Variants in MYH3 observed in about 807,000 individuals in gnomAD.
MYH3 encodes the protein myosin heavy chain 3.
A neutral mutation model predicts 238.0 loss-of-function variants in MYH3; 130 were observed. The ratio of observed to expected loss-of-function variants is 0.55; its 90% CI spans 0.47 to 0.63. The LOEUF (loss-of-function observed/expected upper bound fraction) is 0.63. Ranked by LOEUF, MYH3 falls within the 30% of genes least tolerant of loss-of-function variation. The pLI is 0.00. For synonymous variants in MYH3, 880 were observed against 924.1 expected (o/e 0.95, Z 0.86); for missense variants, 1,853 against 2,374.9 (o/e 0.78, Z 4.57).
Position 10,630,604 on chromosome 17 carries a change from C to T in MYH3, c.5287-146G>A, listed in dbSNP as rs1042740628. ...GTGGCTCACGTCTGTAATCCCAGCA[C>T]TTTGGGAGGCCAAGGCGGGTGGATC... On this transcript the variant is annotated intron_variant, in intron 36 of 40. Transcript: ENST00000583535. The T allele has an allele frequency of 1.2e-5, 15 of 1,224,622 alleles. No individual in the cohort carries two copies. In the Admixed American group the frequency reaches 1.3e-4, roughly 11 times the overall value. 75.9% of individuals were successfully genotyped at this position (1,224,622 alleles called of 1,614,324 possible).
chr17:10,637,669 G>A, intron 28 of MYH3, 140 bp downstream of exon 28: 1 of 1,190,100 alleles, frequency 8.4e-7, no homozygotes, highest in Non-Finnish European at 1.2e-6. Context: ...CTTTCTATGA[G>A]TTATTTCAAT....
At chr17:10,664,144 T>G in the MYH3 span, among the ~76,000 whole-genome samples, 16 of 151,740 alleles carry the variant, frequency 1.1e-4, no homozygotes, top group East Asian at 2.7e-3. Context: ...ATATTATGCC[T>G]GCTTTCAAGA....
the MYH3 span, among the ~76,000 whole-genome samples, chr17:10,663,070 G>A: frequency 6.6e-6 from 1 of 152,060 alleles, no homozygotes; most frequent in African/African-American, 2.4e-5. Flanking sequence ...CTGGGTGAGA[G>A]AGTGAGACTC....
In MYH3 at chr17:10,640,323, C is replaced by A. The variant is rs764285093; in HGVS notation, c.2426+10G>T. The stretch of plus-strand genomic sequence containing the variant: ...AAAGAGCTCATGTCTGAACAAAGAC[C>A]CTGCTGGACCTCCTCTGCACCATCT... On this transcript the variant is annotated intron_variant, in intron 21 of 40. Coordinates refer to ENST00000583535, the MANE Select transcript of MYH3 (RefSeq NM_002470.4). 2.7e-5 allele frequency: 44 copies of A among 1,614,084 alleles called. No individual in the cohort carries two copies. The South Asian group carries it at 4.7e-4, about 17-fold the overall frequency.
intron 11 of MYH3, 34 bp from the exon 12 acceptor site, chr17:10,645,879 G>T: frequency 6.2e-7 from 1 of 1,613,914 alleles, no homozygotes; most frequent in South Asian, 1.1e-5. Flanking sequence ...CAGTCAGTTG[G>T]CCCCAGTGAT....
rs368392965 is a variant in MYH3, at chr17:10,637,948, G to T, written c.3730-13C>A. 3.0e-5 allele frequency: 48 copies of T among 1,614,058 alleles called. No individual in the cohort carries two copies. Among genetic ancestry groups the T allele is most frequent in the Admixed American group, 2.3e-4 (14 of 60,004 alleles). On this transcript the variant is annotated splice_polypyrimidine_tract_variant and intron_variant, in intron 27 of 40. Transcript: ENST00000583535. ...TTTCCAGATTTGCCTGAAGGATTCA[G>T]AAAGGGGAGCAAAGTCAGTCAGCAA...
upstream of MYH3, among the ~76,000 whole-genome samples, chr17:10,660,888 G>C (rs1023351446): frequency 6.6e-6 from 1 of 151,806 alleles, no homozygotes; most frequent in African/African-American, 2.4e-5. Flanking sequence ...GAGAGGCTGA[G>C]GCAGGAGAAT....
At position 10,635,025 on chromosome 17, in the gene MYH3, T is replaced by A; in HGVS notation, c.4173-2A>T. 1 of 1,613,948 alleles carries A rather than the reference T, an allele frequency of 6.2e-7. No individual in the cohort carries two copies. The highest frequency in any genetic ancestry group is 8.5e-7 in the Non-Finnish European group (1 of 1,179,902). ...TGAAGGCGCTGAGCAAGTTTTTTCC[T>A]TAAAGAATATGAAAGAGAAGCAGCT... On this transcript the variant is annotated splice_acceptor_variant, in intron 30 of 40. Transcript: ENST00000583535. LOFTEE classifies it high-confidence loss of function.
upstream of MYH3, chr17:10,659,027 T>G (rs1283448813): frequency 1.3e-5 from 2 of 151,622 alleles, no homozygotes; most frequent in Non-Finnish European, 2.9e-5. Context: ...CCAGCAGTGG[T>G]GTATGCAGGG....
chr17:10,667,597 C>T, the MYH3 span, among the ~76,000 whole-genome samples: 1 of 151,020 alleles, frequency 6.6e-6, no homozygotes, highest in African/African-American at 2.4e-5. Flanking sequence ...AGGGGAATCG[C>T]TTGAATCCAG....
rs753607322 is a variant in MYH3 at position 10,638,227 on chromosome 17, G to A, written c.3545C>T (p.Ala1182Val). 3 of 1,613,764 alleles carry A rather than the reference G, an allele frequency of 1.9e-6. No individual in the cohort carries two copies. The highest frequency in any genetic ancestry group is 1.7e-6 in the Non-Finnish European group (2 of 1,179,974). The change falls in exon 27 of 41, where the codon GCC becomes GTC. Residue 1182 changes from alanine (A) to valine (V), a missense_variant. Physicochemically the swap from Ala to Val is moderately conservative, Grantham distance 64 (BLOSUM62 0). Transcript: ENST00000583535. ...CACCATGGCTTCGTGCTGCAGTGTG[G>A]CCTCCTCCAGGTCCCTGCGCAGCTT... ...FLKLRRDLEEATLQHEAMVAA... is the reference protein window; with the variant it reads ...FLKLRRDLEEVTLQHEAMVAA...
rs777009853 is a variant in MYH3, at chr17:10,631,776, G to A, written c.5160+37C>T. 1.9e-5 allele frequency: 30 copies of A among 1,613,998 alleles called. No individual in the cohort carries two copies. In the South Asian group the frequency reaches 3.1e-4, roughly 17 times the overall value. ...GGGCTGTTAACCAGGTGCGTATGAG[G>A]CTGGAACCTCGCCTCTCTTCCTCTC... On this transcript the variant is annotated intron_variant, in intron 35 of 40. Transcript: ENST00000583535.
chr17:10,660,318 T>C (rs138606583), upstream of MYH3, among the ~76,000 whole-genome samples: 7 of 152,224 alleles, frequency 4.6e-5, no homozygotes, highest in Admixed American at 6.5e-5. Context: ...GAACCCTGAG[T>C]AAATTACACT....
intron 4 of MYH3, 190 bp downstream of exon 4, chr17:10,652,230 A>G (rs1427841423): frequency 2.7e-6 from 2 of 737,746 alleles, no homozygotes; most frequent in Non-Finnish European, 4.6e-6. Context: ...CCTCCTTCCC[A>G]CCTTCCTTCT....
At chr17:10,648,525 GCAAAT>G (rs1447673524) in intron 8 of MYH3, 27 bp downstream of exon 8, 1 of 1,581,174 alleles carries the variant, frequency 6.3e-7, no homozygotes, top group African/African-American at 1.3e-5. Flanking sequence ...GAGGCACAAA[GCAAAT>G]TCCATCTTAA....
chr17:10,657,128 G>A (rs543928575), intron 1 of MYH3, among the ~76,000 whole-genome samples, 161 bp downstream of exon 1: 7 of 152,034 alleles, frequency 4.6e-5, no homozygotes, highest in Non-Finnish European at 1.0e-4. Context: ...AGGGAACCTC[G>A]CTCTCTACAC....
chr17:10,641,216 C>T lies in MYH3; in HGVS notation c.2048-14G>A, dbSNP rs1181604658. 1.4e-5 allele frequency: 22 copies of T among 1,612,422 alleles called. No individual in the cohort carries two copies. Among genetic ancestry groups the T allele is most frequent in the Admixed American group, 8.3e-5 (5 of 59,984 alleles). On this transcript the variant is annotated splice_polypyrimidine_tract_variant and intron_variant, in intron 18 of 40. Transcript: ENST00000583535. ...GTTCCATAGCCCCTGGGAACAGAAG[C>T]GAGATATCAGCCTTACACAGAATTT...
the MYH3 span, among the ~76,000 whole-genome samples, chr17:10,669,632 G>A: frequency 3.3e-5 from 5 of 151,860 alleles, no homozygotes; most frequent in African/African-American, 4.8e-5. Context: ...GGTTGGGCAC[G>A]GTGGCTTGCG....
Position 10,648,561 on chromosome 17 carries a change from C to T in MYH3, c.731G>A (p.Arg244His), listed in dbSNP as rs2074344968. 1 of 1,613,022 alleles carries T rather than the reference C, an allele frequency of 6.2e-7. No individual in the cohort carries two copies. The highest frequency in any genetic ancestry group is 8.5e-7 in the Non-Finnish European group (1 of 1,178,994). Residue 244 changes from arginine to histidine, a missense_variant, in exon 8 of 41, where the codon CGT becomes CAT. Arg to His is a conservative substitution (Grantham distance 29). Transcript: ENST00000583535. ...AKTVRNDNSS[R>H]FGKFIRIHFG... ...CTTAACCAAACTCAGACTCACAAAA[C>T]GGGAGGAGTTGTCATTCCTCACAGT...
Sources: allele counts gnomAD v4.1 joint callset (sites outside exome capture counted in the v4.1 genomes callset), GRCh38; gene constraint gnomAD v4.1.1; transcripts MANE v1.5; gene names NCBI Gene and HGNC (gene_info 2026-07-23, HGNC 2026-07-21).